AKAP7: variants seen among roughly 807,000 people sequenced by gnomAD.
AKAP7 encodes the protein A-kinase anchoring protein 7.
AKAP7 carries 39 observed loss-of-function variants against 39.5 expected under a neutral mutation model. That is an observed-to-expected ratio of 0.99 (90% CI 0.76 to 1.29). AKAP7 has a LOEUF of 1.29. Ranked by LOEUF, AKAP7 falls within the 50% of genes most tolerant of loss-of-function variation. The pLI is 0.00. For synonymous variants in AKAP7, 140 were observed against 139.1 expected (o/e 1.01, Z -0.05); for missense variants, 414 against 407.7 (o/e 1.02, Z -0.13).
intron 7 of AKAP7, among the ~76,000 whole-genome samples, chr6:131,268,780 A>C (rs936769045): frequency 6.6e-6 from 1 of 152,196 alleles, no homozygotes; most frequent in Non-Finnish European, 1.5e-5. Context: ...CAAATATGTA[A>C]AAATTAATTC....
intron 7 of AKAP7, among the ~76,000 whole-genome samples, chr6:131,246,009 C>T (rs6939994): frequency 0.96 from 145,936 of 151,786 alleles, 70,216 homozygotes; most frequent in East Asian, 1. Context: ...TGATAATTTG[C>T]ATAGTTTTGT....
chr6:131,281,171 C>T lies in AKAP7; in HGVS notation c.851-359C>T, dbSNP rs1158475483. On this transcript the variant is annotated intron_variant, in intron 7 of 7. Coordinates refer to ENST00000431975, the MANE Select transcript of AKAP7 (RefSeq NM_016377.4). The surrounding 1 kb of genome is among the most constrained non-coding windows in gnomAD (Gnocchi z 4.0). ...TCGAGAATGAGAAGCAGACATAGGC[C>T]TACTTAGTGAATTCACATGTCTGAG... Among the ~76,000 whole-genome samples, 1 of 152,122 alleles carries T rather than the reference C, an allele frequency of 6.6e-6. No individual in the cohort carries two copies. The highest frequency in any genetic ancestry group is 1.5e-5 in the Non-Finnish European group (1 of 68,026).
chr6:131,149,664 G>A (rs1801760132), intron 2 of AKAP7, among the ~76,000 whole-genome samples: 2 of 152,114 alleles, frequency 1.3e-5, no homozygotes, highest in African/African-American at 2.4e-5. Context: ...AAATGATGAG[G>A]AGACAGTACA....
chr6:131,182,485 C>T (rs949473426), intron 5 of AKAP7, among the ~76,000 whole-genome samples: 9 of 152,168 alleles, frequency 5.9e-5, no homozygotes, highest in African/African-American at 1.9e-4. Context: ...GAACTTTATT[C>T]CTTTTTAATG....
At chr6:131,135,904 C>T (rs1800495594) in intron 1 of AKAP7, 122 bp downstream of exon 1, 1 of 1,106,610 alleles carries the variant, frequency 9.0e-7, no homozygotes, top group East Asian at 3.5e-5. Flanking sequence ...GAGTCTCCCT[C>T]CTTCCCAAAA....
At chr6:131,211,685 A>G (rs1376665456) in intron 6 of AKAP7, among the ~76,000 whole-genome samples, 2 of 148,194 alleles carry the variant, frequency 1.3e-5, no homozygotes, top group African/African-American at 5.0e-5. Flanking sequence ...AGGCAGGGGA[A>G]TGGCGAGAAC....
At chr6:131,153,267 C>A (rs1185100807) in intron 2 of AKAP7, among the ~76,000 whole-genome samples, 1 of 152,036 alleles carries the variant, frequency 6.6e-6, no homozygotes, top group Non-Finnish European at 1.5e-5. Flanking sequence ...TACAGGATTC[C>A]TTTTTTCCCC....
chr6:131,173,990 A>G (rs942893295), intron 5 of AKAP7, among the ~76,000 whole-genome samples: 1 of 152,254 alleles, frequency 6.6e-6, no homozygotes, highest in African/African-American at 2.4e-5. Context: ...TAATATGAAT[A>G]TAAGCCCGAA....
At chr6:131,204,410 TC>T (rs1018522084) in intron 6 of AKAP7, among the ~76,000 whole-genome samples, 1 of 152,172 alleles carries the variant, frequency 6.6e-6, no homozygotes, top group Non-Finnish European at 1.5e-5. Flanking sequence ...GTATATAAAA[TC>T]TATCCTATAA....
intron 3 of AKAP7, among the ~76,000 whole-genome samples, chr6:131,161,369 G>A (rs916157104): frequency 6.6e-6 from 1 of 151,974 alleles, no homozygotes; most frequent in Non-Finnish European, 1.5e-5. Context: ...TAAGGGCCAG[G>A]TGTGGTGGCT....
intron 7 of AKAP7, among the ~76,000 whole-genome samples, chr6:131,270,052 T>A (rs368242786): frequency 6.6e-6 from 1 of 152,206 alleles, no homozygotes; most frequent in African/African-American, 2.4e-5. Context: ...TTGTCCCTCA[T>A]CATGGGGAAG....
intron 2 of AKAP7, among the ~76,000 whole-genome samples, chr6:131,150,324 T>C (rs1801815597): frequency 6.6e-6 from 1 of 152,198 alleles, no homozygotes; most frequent in African/African-American, 2.4e-5. Flanking sequence ...AGTTGTTACA[T>C]TTAAAAAATA....
rs975714561 is a variant in AKAP7 at position 131,199,557 on chromosome 6, C to T, written c.686C>T (p.Pro229Leu). ...ACCTTCATGAAGTTGTCAAAATCAC[C>T]GTGGCTCCGTAAGAATGTGAGTGCA... ...HLTFMKLSKS[P>L]WLRKNGVKKI... The change falls in exon 6 of 8, where the codon CCG becomes CTG. Residue 229 changes from proline (P) to leucine (L), a missense_variant. Transcript: ENST00000431975. 39 of 1,605,526 alleles carry T rather than the reference C, an allele frequency of 2.4e-5. No individual in the cohort carries two copies. The highest frequency in any genetic ancestry group is 4.5e-5 in the East Asian group (2 of 44,814).
chr6:131,202,764 AT>A (rs1182932993), intron 6 of AKAP7, among the ~76,000 whole-genome samples: 1 of 151,698 alleles, frequency 6.6e-6, no homozygotes, highest in African/African-American at 2.4e-5. Context: ...TATAATAATA[AT>A]AAAATAAAAT....
At chr6:131,261,110 C>T (rs1271587176) in intron 7 of AKAP7, among the ~76,000 whole-genome samples, 3 of 151,668 alleles carry the variant, frequency 2.0e-5, no homozygotes, top group East Asian at 1.9e-4. Flanking sequence ...GCAGGAGAAT[C>T]GCTTGAACCC....
chr6:131,263,569 ATGT>A (rs1294238869), intron 7 of AKAP7, among the ~76,000 whole-genome samples: 1 of 152,194 alleles, frequency 6.6e-6, no homozygotes, highest in Non-Finnish European at 1.5e-5. Context: ...CGAAAGCAGC[ATGT>A]TGTGAAAATT....
chr6:131,140,983 T>A (rs559114694), intron 1 of AKAP7, among the ~76,000 whole-genome samples: 1 of 152,362 alleles, frequency 6.6e-6, no homozygotes, highest in African/African-American at 2.4e-5. Context: ...CACCTGTGTA[T>A]GAGGCATTCA....
chr6:131,264,712 A>T (rs1002817812), intron 7 of AKAP7, among the ~76,000 whole-genome samples: 1 of 152,194 alleles, frequency 6.6e-6, no homozygotes, highest in African/African-American at 2.4e-5. Context: ...GGTAATTTAT[A>T]AAGAAAAGAG....
intron 7 of AKAP7, among the ~76,000 whole-genome samples, chr6:131,239,727 A>G (rs1263451601): frequency 1.3e-5 from 2 of 152,118 alleles, no homozygotes; most frequent in Non-Finnish European, 1.5e-5. Context: ...CATTCGTCAC[A>G]TAGTTCTCGT....
Sources: gnomAD v4.1 joint callset for allele counts (sites outside exome capture counted in the v4.1 genomes callset) on GRCh38, gnomAD v4.1.1 for gene constraint, Gnocchi (gnomAD v3.1) non-coding constraint, MANE v1.5 for transcripts, NCBI Gene and HGNC (gene_info 2026-07-23, HGNC 2026-07-21) for gene names.